EIF2A: variants seen among roughly 807,000 people sequenced by gnomAD.
EIF2A encodes the protein eukaryotic translation initiation factor 2A.
Under a neutral mutation model 75.2 loss-of-function variants are expected in EIF2A, and 62 were observed. The ratio of observed to expected loss-of-function variants is 0.82; its 90% CI spans 0.67 to 1.02. EIF2A has a LOEUF of 1.02. EIF2A is among the 50% of genes least tolerant of loss of function. The pLI, the probability that EIF2A is intolerant of heterozygous loss-of-function variation, is 0.00. For missense variants in EIF2A, 611 were observed against 677.7 expected (o/e 0.90, Z 1.09); for synonymous variants, 207 against 239.0 (o/e 0.87, Z 1.23).
intron 2 of EIF2A, among the ~76,000 whole-genome samples, chr3:150,555,778 C>G (rs899863273): frequency 1.3e-5 from 2 of 151,900 alleles, no homozygotes; most frequent in Non-Finnish European, 2.9e-5. Context: ...TGCTACACTT[C>G]ATTAGGGTAT....
At chr3:150,564,228 T>G (rs553396631) in intron 5 of EIF2A, 71 bp from the exon 6 acceptor site, 1 of 1,181,618 alleles carries the variant, frequency 8.5e-7, no homozygotes, top group East Asian at 2.6e-5. Flanking sequence ...ATAAATTACT[T>G]TAACATGTTA....
chr3:150,567,981 A>C lies in EIF2A; in HGVS notation c.629A>C (p.His210Pro). The C allele has an allele frequency of 6.2e-7, 1 of 1,613,524 alleles. No homozygotes were observed. Among genetic ancestry groups the C allele is most frequent in the Non-Finnish European group, 8.5e-7 (1 of 1,179,730 alleles). ...CAGTACCCCAACTTTGCTGGACCTCATGCAGCTTTAGCTAATAAAAGTTTC... is the reference window on the plus strand; with the variant it reads ...CAGTACCCCAACTTTGCTGGACCTCCTGCAGCTTTAGCTAATAAAAGTTTC... ...LYQYPNFAGP[H>P]AALANKSFFK... Residue 210 changes from histidine to proline, a missense_variant, in exon 8 of 14, where the codon CAT becomes CCT. Coordinates refer to ENST00000460851, the MANE Select transcript of EIF2A (RefSeq NM_032025.5).
intron 11 of EIF2A, among the ~76,000 whole-genome samples, chr3:150,578,052 A>G (rs757956535): frequency 1.3e-5 from 2 of 152,040 alleles, no homozygotes; most frequent in Admixed American, 6.6e-5. Flanking sequence ...AGGGACCTCT[A>G]CTGGCCCTGG....
At chr3:150,581,573 TG>T in intron 11 of EIF2A, 44 bp from the exon 12 acceptor site, 1 of 1,542,994 alleles carries the variant, frequency 6.5e-7, no homozygotes, top group Non-Finnish European at 8.7e-7. Context: ...AATACTGTAA[TG>T]TTTTTGGCTT....
At position 150,567,675 on chromosome 3, in the gene EIF2A, A is replaced by G; in HGVS notation, c.476-18A>G. The G allele has an allele frequency of 6.7e-7, 1 of 1,484,206 alleles. No homozygotes were observed. The highest frequency in any genetic ancestry group is 9.1e-7 in the Non-Finnish European group (1 of 1,096,074). The allele number at this position is 1,484,206 out of a possible 1,614,324, so 91.9% of individuals were successfully genotyped here. On this transcript the variant is annotated intron_variant, in intron 6 of 13. Coordinates refer to ENST00000460851, the MANE Select transcript of EIF2A (RefSeq NM_032025.5). ...TAGGTTCTCTCATCAATCTGATTTA[A>G]TTTACTCTTTTTTTTAGACACAATT...
intron 9 of EIF2A, among the ~76,000 whole-genome samples, chr3:150,570,772 G>A (rs1724463104): frequency 6.6e-6 from 1 of 152,052 alleles, no homozygotes; most frequent in Admixed American, 6.6e-5. Context: ...ATCAAAAACT[G>A]CTGACAGAGG....
intron 3 of EIF2A, among the ~76,000 whole-genome samples, chr3:150,561,029 C>G (rs1723826059): frequency 6.6e-6 from 1 of 152,132 alleles, no homozygotes; most frequent in African/African-American, 2.4e-5. Context: ...CATAATAATT[C>G]TTAGAATCAT....
At chr3:150,561,193 G>A (rs1723833575) in intron 3 of EIF2A, among the ~76,000 whole-genome samples, 1 of 151,958 alleles carries the variant, frequency 6.6e-6, no homozygotes, top group Admixed American at 6.5e-5. Flanking sequence ...TGAACTCCTG[G>A]GCTCAAGCAG....
intron 8 of EIF2A, 52 bp from the exon 9 acceptor site, chr3:150,568,124 G>T: frequency 1.9e-6 from 3 of 1,602,126 alleles, no homozygotes; most frequent in South Asian, 2.2e-5. Flanking sequence ...TATAACAGAA[G>T]AATCAATGCC....
intron 9 of EIF2A, among the ~76,000 whole-genome samples, chr3:150,570,424 G>T (rs1724440607): frequency 6.6e-6 from 1 of 151,938 alleles, no homozygotes; most frequent in East Asian, 1.9e-4. Context: ...CCTCAGAGCC[G>T]GTGCAGTGGC....
chr3:150,574,907 A>G (rs1426887673), intron 10 of EIF2A, among the ~76,000 whole-genome samples: 1 of 152,262 alleles, frequency 6.6e-6, no homozygotes, highest in Non-Finnish European at 1.5e-5. Context: ...ATCAGTAAGT[A>G]CCTGAATCTG....
intron 10 of EIF2A, among the ~76,000 whole-genome samples, chr3:150,573,072 T>C (rs1248499979): frequency 1.3e-5 from 2 of 152,288 alleles, no homozygotes; most frequent in East Asian, 3.9e-4. Flanking sequence ...CCTATTTCTG[T>C]ATTGGAATTT....
chr3:150,558,510 A>C, intron 3 of EIF2A, 48 bp downstream of exon 3: 1 of 1,384,642 alleles, frequency 7.2e-7, no homozygotes, highest in Non-Finnish European at 9.5e-7. Context: ...GAATATAAAC[A>C]CAACTGGCAT....
Position 150,564,286 on chromosome 3 carries a change from T to G in EIF2A, c.393-13T>G. The G allele has an allele frequency of 6.5e-7, 1 of 1,539,928 alleles. No individual in the cohort carries two copies. Among genetic ancestry groups the G allele is most frequent in the Non-Finnish European group, 8.7e-7 (1 of 1,149,864 alleles). The stretch of plus-strand genomic sequence containing the variant: ...AATATTTTTTATACTTTTTTTTTTT[T>G]TCATTGACATAGGTGTCCATCCTGG... On this transcript the variant is annotated splice_polypyrimidine_tract_variant and intron_variant, in intron 5 of 13. Coordinates refer to ENST00000460851, the MANE Select transcript of EIF2A (RefSeq NM_032025.5).
At chr3:150,558,323 A>C in intron 2 of EIF2A, 65 bp from the exon 3 acceptor site, 2 of 1,342,002 alleles carry the variant, frequency 1.5e-6, no homozygotes, top group Admixed American at 3.7e-5. Flanking sequence ...TTGACTTTAT[A>C]ATCAGATTTT....
intron 3 of EIF2A, 132 bp from the exon 4 acceptor site, chr3:150,562,410 A>T: frequency 1.7e-6 from 1 of 582,118 alleles, no homozygotes. Context: ...AGACAGCGAG[A>T]CTCCATCTCA....
chr3:150,552,591 A>G (rs1723369169), intron 2 of EIF2A, 166 bp downstream of exon 2: 1 of 548,456 alleles, frequency 1.8e-6, no homozygotes, highest in Admixed American at 3.6e-5. Flanking sequence ...TATCAAGGAA[A>G]ATGATCTTCA....
chr3:150,563,464 C>A, intron 4 of EIF2A, 51 bp from the exon 5 acceptor site: 1 of 1,375,540 alleles, frequency 7.3e-7, no homozygotes, highest in Non-Finnish European at 9.9e-7. Context: ...AAAAATAATC[C>A]CTTTACAAAT....
intron 11 of EIF2A, among the ~76,000 whole-genome samples, chr3:150,576,253 CAT>C (rs1724858908): frequency 6.6e-6 from 1 of 152,090 alleles, no homozygotes; most frequent in Non-Finnish European, 1.5e-5. Flanking sequence ...GCCTGGGCAA[CAT>C]AGTGAGACCC....
Sources: allele counts gnomAD v4.1 joint callset (sites outside exome capture counted in the v4.1 genomes callset), GRCh38; gene constraint gnomAD v4.1.1; transcripts MANE v1.5; gene names NCBI Gene and HGNC (gene_info 2026-07-23, HGNC 2026-07-21).